The following DMXL2 variants were observed in gnomAD, a reference collection of about 807,000 sequenced individuals.
DMXL2 encodes Dmx like 2.
A neutral mutation model predicts 331.1 loss-of-function variants in DMXL2; 103 were observed. That is an observed-to-expected ratio of 0.31 (90% CI 0.27 to 0.37). The LOEUF (loss-of-function observed/expected upper bound fraction) is 0.37, where lower values mean the gene tolerates loss of function less well. Among genes scored for constraint, DMXL2 ranks in the 10% least tolerant of loss-of-function variants. DMXL2 has a pLI of 1.00. For missense variants in DMXL2, 3,171 were observed against 3,642.9 expected, an observed-to-expected ratio of 0.87 and a Z score of 3.33; for synonymous variants, 1,281 against 1,252.1, an observed-to-expected ratio of 1.02 and a Z score of -0.49.
At chr15:51,559,709 G>C (rs555986161) in intron 6 of DMXL2, among the ~76,000 whole-genome samples, 13 of 152,244 alleles carry the variant, frequency 8.5e-5, no homozygotes, top group Middle Eastern at 3.4e-3. Context: ...GACAGAGTAA[G>C]ACTCTGTCTC....
intron 3 of DMXL2, 160 bp downstream of exon 3, chr15:51,568,327 G>A (rs1385762613): frequency 1.3e-5 from 7 of 541,202 alleles, no homozygotes; most frequent in African/African-American, 2.0e-5. Context: ...GGATGTATCC[G>A]TAGTGAATGT....
chr15:51,616,086 C>A (rs1428496547), intron 1 of DMXL2, among the ~76,000 whole-genome samples: 1 of 152,134 alleles, frequency 6.6e-6, no homozygotes, highest in African/African-American at 2.4e-5. Flanking sequence ...ACTCCCAAGG[C>A]TCAGTTTTTA....
chr15:51,532,072 C>T (rs962501396), intron 13 of DMXL2, among the ~76,000 whole-genome samples: 37 of 152,030 alleles, frequency 2.4e-4, no homozygotes, highest in Admixed American at 1.3e-4. Flanking sequence ...ATCTGCACTC[C>T]CATGTTTGTT....
Position 51,457,631 on chromosome 15 carries a change from T to G in DMXL2, c.8199-165A>C, listed in dbSNP as rs1459347117. The G allele has an allele frequency of 6.9e-6, 5 of 723,966 alleles. No homozygotes were observed. The African/African-American group carries it at 9.1e-5, about 13-fold the overall frequency. The allele number at this position is 723,966 out of a possible 1,614,324, so 44.8% of individuals were successfully genotyped here. ...CCTAATCGCCAATGTTAATACTGGTTAACTTTTTTCCCTTTTGGCAAAATG... is the reference window on the plus strand; with the variant it reads ...CCTAATCGCCAATGTTAATACTGGTGAACTTTTTTCCCTTTTGGCAAAATG... On this transcript the variant is annotated intron_variant, in intron 36 of 43. Transcript: ENST00000560891.
chr15:51,597,627 G>A (rs749103947), intron 1 of DMXL2, among the ~76,000 whole-genome samples: 20 of 152,228 alleles, frequency 1.3e-4, no homozygotes, highest in Non-Finnish European at 2.5e-4. Context: ...TCTCGCATAC[G>A]TGCATGCATT....
rs772471286 is a variant in DMXL2 at position 51,488,663 on chromosome 15, T to A, written c.4954-18A>T. The A allele has an allele frequency of 5.1e-6, 8 of 1,573,912 alleles. No homozygotes were observed. Among genetic ancestry groups the A allele is most frequent in the Non-Finnish European group, 2.6e-6 (3 of 1,152,048 alleles). ...TTGGCAACCTAAATGATAAATAAAA[T>A]ATTAAATTCACAATTTGACATAAGA... On this transcript the variant is annotated intron_variant, in intron 20 of 43. Coordinates refer to ENST00000560891, the MANE Select transcript of DMXL2 (RefSeq NM_001378457.1).
intron 1 of DMXL2, among the ~76,000 whole-genome samples, chr15:51,616,081 C>A (rs2054266705): frequency 6.6e-6 from 1 of 152,082 alleles, no homozygotes; most frequent in South Asian, 2.1e-4. Context: ...TTATTACTCC[C>A]AAGGCTCAGT....
chr15:51,564,285 GA>G, intron 4 of DMXL2, 25 bp from the exon 5 acceptor site: 1 of 1,525,096 alleles, frequency 6.6e-7, no homozygotes, highest in East Asian at 2.4e-5. Flanking sequence ...ATGTTATGAT[GA>G]ATATGCAAAT....
In DMXL2 at chr15:51,480,829, C is replaced by G; in HGVS notation, c.6277G>C (p.Val2093Leu). 6.2e-7 allele frequency: 1 copy of G among 1,612,500 alleles called. No homozygotes were observed. The highest frequency in any genetic ancestry group is 8.5e-7 in the Non-Finnish European group (1 of 1,179,348). ...GTCTTACTGGAATACTCTTTAATAACTGATTCATGATTACATATCTCATGC... is the reference window on the plus strand; with the variant it reads ...GTCTTACTGGAATACTCTTTAATAAGTGATTCATGATTACATATCTCATGC... ...ALHEICNHESVIKEYSSKTYS... is the reference protein window; with the variant it reads ...ALHEICNHESLIKEYSSKTYS... The change falls in exon 24 of 44, where the codon GTT becomes CTT. Residue 2093 changes from valine (V) to leucine (L), a missense_variant. By Grantham distance (32) the Val-to-Leu change is conservative. Around this residue, in one of 7 missense-constraint regions of DMXL2, gnomAD observed 197 missense variants for 196.2 expected, o/e 1.00. Transcript: ENST00000560891.
At chr15:51,622,121 T>C (rs1489584654) in intron 1 of DMXL2, among the ~76,000 whole-genome samples, 2 of 152,022 alleles carry the variant, frequency 1.3e-5, no homozygotes, top group Non-Finnish European at 2.9e-5. Context: ...ACGGACGCTC[T>C]GGGGTTTCAG....
chr15:51,487,347 C>A (rs1468043824), intron 22 of DMXL2, among the ~76,000 whole-genome samples: 1 of 152,188 alleles, frequency 6.6e-6, no homozygotes, highest in Non-Finnish European at 1.5e-5. Context: ...GTACTTTAAA[C>A]AGTTCAGAAT....
chr15:51,565,494 A>T (rs1365677721), intron 3 of DMXL2, among the ~76,000 whole-genome samples: 2 of 152,144 alleles, frequency 1.3e-5, no homozygotes, highest in Non-Finnish European at 2.9e-5. Flanking sequence ...CCTTCCACTA[A>T]GATTAGCTAA....
In DMXL2 at chr15:51,500,118, C is replaced by T. The variant is rs775598224; in HGVS notation, c.3106G>A (p.Glu1036Lys). 5 of 1,614,070 alleles carry T rather than the reference C, an allele frequency of 3.1e-6. No individual in the cohort carries two copies. In the East Asian group the frequency reaches 1.1e-4, roughly 36 times the overall value. The change falls in exon 18 of 44, where the codon GAG becomes AAG. Residue 1036 changes from glutamate to lysine, a missense_variant. Physicochemically the swap from Glu to Lys is moderately conservative, Grantham distance 56. This residue lies in a region of DMXL2 where 1,674 missense variants were observed against 1,780.2 expected (regional missense o/e 0.94). Coordinates refer to ENST00000560891, the MANE Select transcript of DMXL2 (RefSeq NM_001378457.1). Reference protein sequence around the residue: ...FWKCCMEANPECNKSDEKEIY... With the variant: ...FWKCCMEANPKCNKSDEKEIY... ...TCTTTCTCATCACTTTTATTACACT[C>T]TGGGTTGGCTTCCATACAACATTTC...
chr15:51,596,467 C>T (rs1301582946), intron 1 of DMXL2, among the ~76,000 whole-genome samples: 20 of 152,140 alleles, frequency 1.3e-4, no homozygotes, highest in African/African-American at 3.9e-4. Flanking sequence ...TTTTACACTG[C>T]TGGTGGGACT....
chr15:51,619,383 C>A (rs2054487659), intron 1 of DMXL2, among the ~76,000 whole-genome samples: 1 of 152,144 alleles, frequency 6.6e-6, no homozygotes, highest in African/African-American at 2.4e-5. Context: ...AAATCACAAT[C>A]GAATGTTTAA....
intron 6 of DMXL2, among the ~76,000 whole-genome samples, chr15:51,562,491 T>C (rs1043699288): frequency 6.6e-6 from 1 of 152,042 alleles, no homozygotes; most frequent in African/African-American, 2.4e-5. Flanking sequence ...TTCCCAAAGT[T>C]GGTAAAAGAA....
At chr15:51,503,610 A>G (rs1421019595) in intron 16 of DMXL2, among the ~76,000 whole-genome samples, 2 of 152,278 alleles carry the variant, frequency 1.3e-5, no homozygotes, top group East Asian at 1.9e-4. Context: ...TTTAATAGGT[A>G]CAAACATGAA....
At chr15:51,467,863 A>T (rs570176065) in intron 29 of DMXL2, among the ~76,000 whole-genome samples, 283 of 152,000 alleles carry the variant, frequency 1.9e-3, no homozygotes, top group African/African-American at 6.7e-3. Flanking sequence ...AGTAGCTGGG[A>T]CTACAGGCAC....
intron 1 of DMXL2, among the ~76,000 whole-genome samples, chr15:51,607,821 C>A (rs1228036039): frequency 2.0e-5 from 3 of 152,178 alleles, no homozygotes; most frequent in African/African-American, 7.2e-5. Flanking sequence ...CTATAATCCT[C>A]AAGGTGCTGA....
Sources: allele counts gnomAD v4.1 joint callset (sites outside exome capture counted in the v4.1 genomes callset), GRCh38; gene constraint gnomAD v4.1.1; regional missense constraint gnomAD v4.1.1; transcripts MANE v1.5; gene names NCBI Gene and HGNC (gene_info 2026-07-23, HGNC 2026-07-21).